ABCB11: variants seen among roughly 807,000 people sequenced by gnomAD.
ABCB11 encodes the protein ATP binding cassette subfamily B member 11, also known as bile salt export pump.
ABCB11 carries 95 observed loss-of-function variants against 148.0 expected under a neutral mutation model. The ratio of observed to expected loss-of-function variants is 0.64; its 90% CI spans 0.54 to 0.76. ABCB11 has a LOEUF of 0.76. Ranked by LOEUF, ABCB11 falls within the 30% of genes least tolerant of loss-of-function variation. ABCB11 has a pLI of 0.00. For synonymous variants in ABCB11, 591 were observed against 555.4 expected (o/e 1.06, Z -0.90); for missense variants, 1,523 against 1,617.8 (o/e 0.94, Z 1.01).
intron 9 of ABCB11, among the ~76,000 whole-genome samples, chr2:168,990,165 T>C (rs1213827504): frequency 6.6e-6 from 1 of 152,114 alleles, no homozygotes; most frequent in Non-Finnish European, 1.5e-5. Context: ...TGTGGAAGAA[T>C]TTGAGGAGGA....
At chr2:168,960,970 T>TA (rs11356690) in intron 18 of ABCB11, among the ~76,000 whole-genome samples, 4 of 151,252 alleles carry the variant, frequency 2.6e-5, no homozygotes, top group African/African-American at 7.3e-5. Context: ...ACAGCACTTT[T>TA]AAAAAAAATC....
Position 168,973,758 on chromosome 2 carries a change from G to C in ABCB11, c.1391C>G (p.Ala464Gly). The C allele has an allele frequency of 6.2e-7, 1 of 1,612,282 alleles. No homozygotes were observed. Among genetic ancestry groups the C allele is most frequent in the South Asian group, 1.1e-5 (1 of 91,060 alleles). Residue 464 changes from alanine (A) to glycine (G), a missense_variant, in exon 13 of 28, where the codon GCA (alanine) becomes GGA (glycine). Ala to Gly is a moderately conservative substitution (Grantham distance 60). Coordinates refer to ENST00000650372, the MANE Select transcript of ABCB11 (RefSeq NM_003742.4). ...ATAGAATCGCTGAATGAGTTGCAGT[G>C]CTGTACTTTTTCCAGCTCCACTGGG... ...VGPSGAGKST[A>G]LQLIQRFYDP...
At chr2:168,968,828 T>C (rs546416198) in intron 16 of ABCB11, among the ~76,000 whole-genome samples, 1 of 151,574 alleles carries the variant, frequency 6.6e-6, no homozygotes, top group African/African-American at 2.4e-5. Context: ...TTTTCAAAAG[T>C]CTATTCAGAA....
chr2:169,014,551 T>A (rs1399404115), intron 3 of ABCB11, among the ~76,000 whole-genome samples, 197 bp from the exon 4 acceptor site: 1 of 152,142 alleles, frequency 6.6e-6, no homozygotes, highest in Non-Finnish European at 1.5e-5. Context: ...TCAGTATAGC[T>A]CAATCTCAGG....
At chr2:168,918,932 A>AT (rs1337201869), downstream of ABCB11, among the ~76,000 whole-genome samples, 2 of 151,796 alleles carry the variant, frequency 1.3e-5, no homozygotes, top group East Asian at 3.9e-4. Context: ...CTTAAACTTT[A>AT]TTTTTTTCAA....
At chr2:169,025,019 A>ATT (rs3836045) in intron 1 of ABCB11, among the ~76,000 whole-genome samples, 4 of 151,630 alleles carry the variant, frequency 2.6e-5, no homozygotes, top group African/African-American at 9.7e-5. Context: ...TTTTAACCAA[A>ATT]TTTTTTTTTC....
Position 168,932,489 on chromosome 2 carries a change from G to C in ABCB11, c.3101C>G (p.Ala1034Gly). 1.2e-6 allele frequency: 2 copies of C among 1,613,606 alleles called. No homozygotes were observed. Among genetic ancestry groups the C allele is most frequent in the Non-Finnish European group, 1.7e-6 (2 of 1,179,700 alleles). ...TGCATAACTTGGGGTGTAAGAGAAG[G>C]CTCTTCCAAGAGCTGTTGCACTCAG... ...VVLSATALGR[A>G]FSYTPSYAKA... Residue 1034 changes from alanine to glycine, a missense_variant, in exon 24 of 28, where the codon GCC becomes GGC. Coordinates refer to ENST00000650372, the MANE Select transcript of ABCB11 (RefSeq NM_003742.4).
intron 5 of ABCB11, among the ~76,000 whole-genome samples, chr2:169,009,069 C>A (rs1695100959): frequency 6.6e-6 from 1 of 152,090 alleles, no homozygotes. Context: ...TCAGAATAGG[C>A]AAATCTACAG....
chr2:168,947,155 T>A (rs1469651067), intron 19 of ABCB11, among the ~76,000 whole-genome samples: 1 of 151,814 alleles, frequency 6.6e-6, no homozygotes, highest in East Asian at 1.9e-4. Context: ...ATGTGCCACA[T>A]GTCAAATGCG....
At chr2:168,929,894 T>C (rs933447678) in intron 25 of ABCB11, among the ~76,000 whole-genome samples, 3 of 152,172 alleles carry the variant, frequency 2.0e-5, no homozygotes, top group African/African-American at 7.2e-5. Context: ...TGTTAAATCA[T>C]GAAATAGCAT....
rs1255186631 is a variant in ABCB11, at chr2:168,944,635, T to A, written c.2580A>T (p.Arg860Ser). 1 of 1,611,032 alleles carries A rather than the reference T, an allele frequency of 6.2e-7. No individual in the cohort carries two copies. Among genetic ancestry groups the A allele is most frequent in the African/African-American group, 1.3e-5 (1 of 74,760 alleles). The change falls in exon 21 of 28, where the codon AGA becomes AGT. Residue 860 changes from arginine to serine, a missense_variant. Coordinates refer to ENST00000650372, the MANE Select transcript of ABCB11 (RefSeq NM_003742.4). ...GAACTTGGGAAGCATCTGTAGCAAG[T>A]CTTGTTGTCAATGCTCCAGGGCTAT... ...LRNSPGALTT[R>S]LATDASQVQG...
At chr2:168,982,020 C>T (rs1694151089) in intron 10 of ABCB11, among the ~76,000 whole-genome samples, 1 of 152,108 alleles carries the variant, frequency 6.6e-6, no homozygotes, top group Admixed American at 6.6e-5. Context: ...AGGACAAAAG[C>T]ACATTCCCAA....
At chr2:168,977,764 GGA>G (rs1222281210) in intron 11 of ABCB11, among the ~76,000 whole-genome samples, 2 of 152,194 alleles carry the variant, frequency 1.3e-5, no homozygotes, top group Non-Finnish European at 2.9e-5. Context: ...CATGGTGGCA[GGA>G]GAGAGCGCAT....
At chr2:168,956,906 C>T (rs1692820503) in intron 19 of ABCB11, among the ~76,000 whole-genome samples, 1 of 151,602 alleles carries the variant, frequency 6.6e-6, no homozygotes, top group South Asian at 2.1e-4. Context: ...TACTGTTTGC[C>T]CATATCCAAA....
chr2:168,965,228 A>G (rs1693248344), intron 17 of ABCB11, among the ~76,000 whole-genome samples: 1 of 151,770 alleles, frequency 6.6e-6, no homozygotes, highest in Admixed American at 6.6e-5. Flanking sequence ...ACAGGGGAGG[A>G]CAGGGTTGCT....
At chr2:169,013,536 C>T (rs913187923) in intron 4 of ABCB11, 26 bp from the exon 5 acceptor site, 1 of 1,585,054 alleles carries the variant, frequency 6.3e-7, no homozygotes, top group South Asian at 1.1e-5. Context: ...GTTCAGAGAT[C>T]ATCTATGGGT....
At chr2:168,978,359 C>T (rs1336930627) in intron 11 of ABCB11, among the ~76,000 whole-genome samples, 1 of 151,798 alleles carries the variant, frequency 6.6e-6, no homozygotes, top group African/African-American at 2.4e-5. Flanking sequence ...TTGTCTCAAA[C>T]TCCTGGGCTC....
intron 25 of ABCB11, among the ~76,000 whole-genome samples, chr2:168,929,785 A>AATGAT (rs1303534578): frequency 5.3e-5 from 8 of 152,222 alleles, no homozygotes; most frequent in Non-Finnish European, 8.8e-5. Context: ...AGGCCTAAAA[A>AATGAT]ATGATATAAC....
intron 8 of ABCB11, among the ~76,000 whole-genome samples, chr2:168,992,026 T>C (rs901690882): frequency 2.0e-5 from 3 of 151,592 alleles, no homozygotes; most frequent in Admixed American, 6.6e-5. Flanking sequence ...TTTTTTTTTT[T>C]TTTTTGTAGA....
Sources: gnomAD v4.1 joint callset for allele counts (sites outside exome capture counted in the v4.1 genomes callset) on GRCh38, gnomAD v4.1.1 for gene constraint, MANE v1.5 for transcripts, NCBI Gene and HGNC (gene_info 2026-07-23, HGNC 2026-07-21) for gene names.